The following PACSIN2 variants were observed in gnomAD, a reference collection of about 807,000 sequenced individuals.
PACSIN2 encodes the protein protein kinase C and casein kinase substrate in neurons 2, also known as protein kinase C and casein kinase substrate in neurons protein 2.
Under a neutral mutation model 63.8 loss-of-function variants are expected in PACSIN2, and 25 were observed. That is an observed-to-expected ratio of 0.39 (90% CI 0.29 to 0.55). The LOEUF (loss-of-function observed/expected upper bound fraction) is 0.55, where lower values mean the gene tolerates loss of function less well. PACSIN2 is among the 20% of genes least tolerant of loss of function. The pLI is 0.62. For missense variants in PACSIN2, 518 were observed against 646.9 expected, an observed-to-expected ratio of 0.80 and a Z score of 2.16; for synonymous variants, 255 against 256.2, an observed-to-expected ratio of 1.00 and a Z score of 0.05.
At chr22:43,006,814 T>C (rs1036274361) in intron 1 of PACSIN2, among the ~76,000 whole-genome samples, 5 of 151,734 alleles carry the variant, frequency 3.3e-5, no homozygotes, top group African/African-American at 7.3e-5. Flanking sequence ...AAATTCCGTC[T>C]CAAAAAAGAA....
intron 4 of PACSIN2, among the ~76,000 whole-genome samples, chr22:42,889,164 A>T (rs1929712127): frequency 6.6e-6 from 1 of 152,110 alleles, no homozygotes; most frequent in Non-Finnish European, 1.5e-5. Context: ...GGGTGGGTGG[A>T]GAAAGCCACT....
intron 9 of PACSIN2, among the ~76,000 whole-genome samples, chr22:42,876,679 T>C (rs1928656680): frequency 6.6e-6 from 1 of 152,084 alleles, no homozygotes; most frequent in Admixed American, 6.5e-5. Context: ...CAACTTAAGA[T>C]TGTTAGCTGT....
intron 2 of PACSIN2, among the ~76,000 whole-genome samples, chr22:42,901,078 C>T (rs1291104486): frequency 1.3e-5 from 2 of 152,144 alleles, no homozygotes; most frequent in Non-Finnish European, 2.9e-5. Context: ...GACCGGTTGC[C>T]AAGGATGACC....
intron 1 of PACSIN2, among the ~76,000 whole-genome samples, chr22:42,995,166 G>A (rs780958891): frequency 6.6e-6 from 1 of 152,242 alleles, no homozygotes; most frequent in Non-Finnish European, 1.5e-5. Flanking sequence ...TGAAGCAGCC[G>A]AGTTCTTCCT....
At chr22:42,980,128 CAAGTA>C (rs1171251360) in intron 1 of PACSIN2, among the ~76,000 whole-genome samples, 1 of 151,020 alleles carries the variant, frequency 6.6e-6, no homozygotes, top group Admixed American at 6.6e-5. Context: ...TATGGCAAAA[CAAGTA>C]TAGAGTATTG....
At chr22:42,873,838 G>T (rs2146621589) in intron 10 of PACSIN2, among the ~76,000 whole-genome samples, 1 of 150,922 alleles carries the variant, frequency 6.6e-6, no homozygotes, top group East Asian at 1.9e-4. Flanking sequence ...CCATCACCCA[G>T]GCTGGAGTGC....
intron 1 of PACSIN2, among the ~76,000 whole-genome samples, chr22:43,004,043 G>A (rs1923935916): frequency 6.6e-6 from 1 of 152,206 alleles, no homozygotes; most frequent in Admixed American, 6.5e-5. Flanking sequence ...TCATGTCTAT[G>A]TTTCTCAGAG....
rs939502173 is a variant in PACSIN2, at chr22:42,911,916, G to A, written c.60+105C>T. On this transcript the variant is annotated intron_variant, in intron 2 of 10. Transcript: ENST00000263246. ...GACTACAAATGCATGGCTGGTTTGG[G>A]GGTATGTTCACCTCAGTTCCCAACC... The A allele has an allele frequency of 5.2e-6, 4 of 762,552 alleles. No individual in the cohort carries two copies. The African/African-American group carries it at 7.2e-5, about 14-fold the overall frequency. The allele number at this position is 762,552 out of a possible 1,614,324, so 47.2% of individuals were successfully genotyped here.
chr22:43,003,290 A>T (rs1923879094), intron 1 of PACSIN2, among the ~76,000 whole-genome samples: 2 of 152,172 alleles, frequency 1.3e-5, no homozygotes, highest in South Asian at 4.1e-4. Flanking sequence ...TTTGACACAA[A>T]AGTGATGATT....
At chr22:43,012,522 C>G (rs1924569839) in intron 1 of PACSIN2, among the ~76,000 whole-genome samples, 1 of 152,006 alleles carries the variant, frequency 6.6e-6, no homozygotes, top group African/African-American at 2.4e-5. Context: ...ACTCTGTCAC[C>G]CAGGCTAGAG....
intron 1 of PACSIN2, among the ~76,000 whole-genome samples, chr22:43,007,188 CT>C (rs1449214761): frequency 6.6e-6 from 1 of 151,866 alleles, no homozygotes; most frequent in African/African-American, 2.4e-5. Flanking sequence ...TTCCCTGCCC[CT>C]AGCAGCCCCT....
At chr22:42,876,817 C>A (rs1201278970) in intron 9 of PACSIN2, 71 bp downstream of exon 9, 1 of 1,579,454 alleles carries the variant, frequency 6.3e-7, no homozygotes, top group Non-Finnish European at 8.6e-7. Context: ...GGGGTGAGAC[C>A]CCTGGACAGA....
At chr22:42,879,802 C>T (rs1049174289) in intron 7 of PACSIN2, among the ~76,000 whole-genome samples, 2 of 152,202 alleles carry the variant, frequency 1.3e-5, no homozygotes, top group African/African-American at 4.8e-5. Context: ...GGTGGCTACC[C>T]GCTGACAGAA....
chr22:42,995,491 T>C (rs1042264244), intron 1 of PACSIN2, among the ~76,000 whole-genome samples: 2 of 152,134 alleles, frequency 1.3e-5, no homozygotes, highest in African/African-American at 4.8e-5. Context: ...AGGAAGTTAC[T>C]CTGTCCATTG....
chr22:42,934,014 C>G (rs1262172822), intron 1 of PACSIN2, among the ~76,000 whole-genome samples: 2 of 152,226 alleles, frequency 1.3e-5, no homozygotes, highest in Non-Finnish European at 2.9e-5. Flanking sequence ...CTGTTCTCCT[C>G]AAATACTTAC....
intron 1 of PACSIN2, among the ~76,000 whole-genome samples, chr22:42,996,936 T>C (rs1250275898): frequency 3.3e-5 from 5 of 152,224 alleles, no homozygotes; most frequent in African/African-American, 1.2e-4. Flanking sequence ...ATAGGACACC[T>C]GGCACAAAAT....
At position 42,981,844 on chromosome 22, in the gene PACSIN2, G is replaced by A. The variant is rs1426531718; in HGVS notation, c.-78+33177C>T. On this transcript the variant is annotated intron_variant, in intron 1 of 10. Transcript: ENST00000263246. ...GAGGTGGGGGGTCAGCCCCCCGCCCGGCCAGCCGCCCCGTCCGGGAGGGAG... is the reference window on the plus strand; with the variant it reads ...GAGGTGGGGGGTCAGCCCCCCGCCCAGCCAGCCGCCCCGTCCGGGAGGGAG... Among the ~76,000 whole-genome samples the A allele has an allele frequency of 4.6e-3, 535 of 115,790 alleles. 4 individuals are homozygous for A. Among genetic ancestry groups the A allele is most frequent in the African/African-American group, 0.017 (513 of 29,508 alleles). 76.0% of individuals were successfully genotyped at this position (115,790 alleles called of 152,430 possible). A position where few individuals can be genotyped will look rare whatever the true frequency, so the allele number is the denominator to read the frequency against.
At chr22:42,941,762 G>A (rs984514790) in intron 1 of PACSIN2, among the ~76,000 whole-genome samples, 1 of 151,906 alleles carries the variant, frequency 6.6e-6, no homozygotes, top group African/African-American at 2.4e-5. Context: ...TGAGTTTGGG[G>A]TTTTTGTTTT....
At chr22:42,885,794 C>T (rs1251810122) in intron 5 of PACSIN2, among the ~76,000 whole-genome samples, 1 of 152,134 alleles carries the variant, frequency 6.6e-6, no homozygotes, top group Non-Finnish European at 1.5e-5. Flanking sequence ...GCTTCTCAGC[C>T]TCCTAAGATG....
Sources: gnomAD v4.1 joint callset for allele counts (sites outside exome capture counted in the v4.1 genomes callset) on GRCh38, gnomAD v4.1.1 for gene constraint, MANE v1.5 for transcripts, NCBI Gene and HGNC (gene_info 2026-07-23, HGNC 2026-07-21) for gene names.